SLIT3: variants seen among roughly 807,000 people sequenced by gnomAD.
The protein encoded by SLIT3 is slit homolog 3 protein.
A neutral mutation model predicts 184.0 loss-of-function variants in SLIT3; 68 were observed. The observed-to-expected ratio is 0.37, with a 90% confidence interval of 0.30 to 0.45. The LOEUF (loss-of-function observed/expected upper bound fraction) is 0.45, where lower values mean the gene tolerates loss of function less well. Ranked by LOEUF, SLIT3 falls within the 20% of genes least tolerant of loss-of-function variation. The probability of loss-of-function intolerance (pLI) is 1.00; values close to 1 mark genes in which losing one functional copy is unlikely to be tolerated. For missense variants in SLIT3, 1,707 were observed against 2,026.0 expected, an observed-to-expected ratio of 0.84 and a Z score of 3.02; for synonymous variants, 831 against 828.6, an observed-to-expected ratio of 1.00 and a Z score of -0.05.
chr5:168,666,350 C>T lies in SLIT3; in HGVS notation c.*104G>A. 1 of 1,134,204 alleles carries T rather than the reference C, an allele frequency of 8.8e-7. No homozygotes were observed. The highest frequency in any genetic ancestry group is 1.2e-6 in the Non-Finnish European group (1 of 836,508). 70.3% of individuals were successfully genotyped at this position (1,134,204 alleles called of 1,614,324 possible). ...ATATTCTCTTCTTCTTTACCTTCCTCTCCAGCTTCATTTCCTTCATGCTGA... is the reference window on the plus strand; with the variant it reads ...ATATTCTCTTCTTCTTTACCTTCCTTTCCAGCTTCATTTCCTTCATGCTGA... On this transcript the variant is annotated 3_prime_UTR_variant, in exon 36 of 36. Coordinates refer to ENST00000519560, the MANE Select transcript of SLIT3 (RefSeq NM_003062.4).
intron 4 of SLIT3, among the ~76,000 whole-genome samples, chr5:168,897,574 C>T (rs888887742): frequency 1.2e-4 from 17 of 146,378 alleles, no homozygotes; most frequent in African/African-American, 3.5e-4. Context: ...CAGAAGAGAC[C>T]GTGAAAGGAA....
chr5:169,070,984 T>C (rs1419640366), intron 4 of SLIT3, among the ~76,000 whole-genome samples: 3 of 152,156 alleles, frequency 2.0e-5, no homozygotes, highest in African/African-American at 7.2e-5. Context: ...GGAGACAGAA[T>C]ACTGACTTTG....
chr5:168,665,268 A>G lies in SLIT3; in HGVS notation c.*1186T>C, dbSNP rs1361399866. ...AAGGTAAAGTTTGGATATGCATTGG[A>G]AAGTGTCACAGATGGGCAAGGAGTC... On this transcript the variant is annotated 3_prime_UTR_variant, in exon 36 of 36. Coordinates refer to ENST00000519560, the MANE Select transcript of SLIT3 (RefSeq NM_003062.4). The G allele has an allele frequency of 6.6e-6, 1 of 152,206 alleles. No individual in the cohort carries two copies. The highest frequency in any genetic ancestry group is 1.5e-5 in the Non-Finnish European group (1 of 68,050). 9.4% of individuals were successfully genotyped at this position (152,206 alleles called of 1,614,324 possible). A position where few individuals can be genotyped will look rare whatever the true frequency, so the allele number is the denominator to read the frequency against.
At position 169,097,566 on chromosome 5, in the gene SLIT3, G is replaced by A. The variant is rs543053966; in HGVS notation, c.413+95913C>T. Among the ~76,000 whole-genome samples the A allele has an allele frequency of 2.6e-5, 4 of 152,194 alleles. No homozygotes were observed. The East Asian group carries it at 7.7e-4, about 29-fold the overall frequency. ...TGCTTTCACCTTTTTGGGACAGTTT[G>A]GAGAACTGTTAAAACTATCAAAGGC... On this transcript the variant is annotated intron_variant, in intron 4 of 35. Coordinates refer to ENST00000519560, the MANE Select transcript of SLIT3 (RefSeq NM_003062.4).
intron 4 of SLIT3, among the ~76,000 whole-genome samples, chr5:168,910,101 C>T: frequency 6.6e-6 from 1 of 152,192 alleles, no homozygotes; most frequent in East Asian, 1.9e-4. Context: ...GGGCTGAAAA[C>T]AAGCTTCTTA....
At chr5:168,796,124 G>T (rs1012415337) in intron 9 of SLIT3, among the ~76,000 whole-genome samples, 1 of 152,200 alleles carries the variant, frequency 6.6e-6, no homozygotes, top group African/African-American at 2.4e-5. Flanking sequence ...TAGGCTCCCA[G>T]CCTGACATTC....
rs1454372171 is a variant in SLIT3, at chr5:168,671,574, G to A, written c.3842-91C>T. 5.0e-6 allele frequency: 7 copies of A among 1,389,686 alleles called. No individual in the cohort carries two copies. The African/African-American group carries it at 1.0e-4, about 20-fold the overall frequency. 86.1% of individuals were successfully genotyped at this position (1,389,686 alleles called of 1,614,324 possible). A position where few individuals can be genotyped will look rare whatever the true frequency, so the allele number is the denominator to read the frequency against. On this transcript the variant is annotated intron_variant, in intron 33 of 35. Transcript: ENST00000519560. ...GAAAAAGCACTTTTCACACATTCATGGCCAGAACTCTGGGCCTCTGCTGTT... is the reference window on the plus strand; with the variant it reads ...GAAAAAGCACTTTTCACACATTCATAGCCAGAACTCTGGGCCTCTGCTGTT...
At chr5:169,020,797 C>T (rs972391609) in intron 4 of SLIT3, among the ~76,000 whole-genome samples, 8 of 152,146 alleles carry the variant, frequency 5.3e-5, no homozygotes, top group Admixed American at 1.3e-4. Context: ...ACAGTGGTCG[C>T]GGAAACTACT....
chr5:169,136,691 G>T (rs770956812), intron 4 of SLIT3, among the ~76,000 whole-genome samples: 11 of 152,262 alleles, frequency 7.2e-5, no homozygotes, highest in South Asian at 4.1e-4. Flanking sequence ...CTCATTATGG[G>T]CCTGGATTTG....
chr5:169,059,778 C>G (rs1758118771), intron 4 of SLIT3, among the ~76,000 whole-genome samples: 1 of 152,198 alleles, frequency 6.6e-6, no homozygotes, highest in East Asian at 1.9e-4. Context: ...AGGAGCTGCC[C>G]TTTGAAGGGG....
intron 4 of SLIT3, among the ~76,000 whole-genome samples, chr5:169,094,776 C>A (rs1759716737): frequency 6.6e-6 from 1 of 152,240 alleles, no homozygotes; most frequent in Admixed American, 6.5e-5. Context: ...CCCTAACCTG[C>A]CACTGCTTTG....
chr5:168,848,342 C>T (rs1461699948), intron 5 of SLIT3, among the ~76,000 whole-genome samples: 1 of 152,218 alleles, frequency 6.6e-6, no homozygotes, highest in Non-Finnish European at 1.5e-5. Context: ...TCTTGTCTTT[C>T]TGAGACACAG....
At chr5:168,675,719 C>T (rs1052096893) in intron 32 of SLIT3, among the ~76,000 whole-genome samples, 1 of 152,110 alleles carries the variant, frequency 6.6e-6, no homozygotes, top group South Asian at 2.1e-4. Flanking sequence ...ACAACAACAA[C>T]AAAAGAGCGC....
intron 4 of SLIT3, among the ~76,000 whole-genome samples, chr5:168,981,394 AGGCTT>A (rs1219293888): frequency 6.6e-6 from 1 of 152,160 alleles, no homozygotes; most frequent in African/African-American, 2.4e-5. Flanking sequence ...GATTGCAATG[AGGCTT>A]GGGGGCCTCA....
At chr5:168,760,609 G>A (rs1015566897) in intron 16 of SLIT3, among the ~76,000 whole-genome samples, 3 of 152,152 alleles carry the variant, frequency 2.0e-5, no homozygotes, top group Non-Finnish European at 4.4e-5. Context: ...GGTGAGCAGA[G>A]GGTCCAGGGA....
At chr5:168,712,044 T>C (rs1007967031) in intron 24 of SLIT3, among the ~76,000 whole-genome samples, 21 of 152,240 alleles carry the variant, frequency 1.4e-4, no homozygotes, top group African/African-American at 3.6e-4. Context: ...TACCCCATAG[T>C]ACATGTTTTC....
At chr5:168,883,412 A>T in intron 4 of SLIT3, 76 bp from the exon 5 acceptor site, 1 of 1,128,690 alleles carries the variant, frequency 8.9e-7, no homozygotes, top group Non-Finnish European at 1.3e-6. Flanking sequence ...AATGATAACA[A>T]TCCCCCCCAC....
At chr5:168,853,836 T>G (rs1196398786) in intron 5 of SLIT3, among the ~76,000 whole-genome samples, 2 of 152,218 alleles carry the variant, frequency 1.3e-5, no homozygotes, top group Non-Finnish European at 2.9e-5. Flanking sequence ...CCACGTTCAC[T>G]TATGCTTGTC....
At chr5:168,823,406 G>A in intron 6 of SLIT3, 75 bp from the exon 7 acceptor site, 1 of 1,065,518 alleles carries the variant, frequency 9.4e-7, no homozygotes, top group Admixed American at 1.7e-5. Context: ...AGTAGGTCGG[G>A]GGAGGGATGG....
Sources: gnomAD v4.1 joint callset for allele counts (sites outside exome capture counted in the v4.1 genomes callset) on GRCh38, gnomAD v4.1.1 for gene constraint, MANE v1.5 for transcripts, NCBI Gene and HGNC (gene_info 2026-07-23, HGNC 2026-07-21) for gene names.